Variants in PTPRS observed in about 807,000 individuals in gnomAD.
The protein encoded by PTPRS is receptor-type tyrosine-protein phosphatase S.
Under a neutral mutation model 215.3 loss-of-function variants are expected in PTPRS, and 63 were observed. That is an observed-to-expected ratio of 0.29 (90% CI 0.24 to 0.36). PTPRS has a LOEUF of 0.36. Among genes scored for constraint, PTPRS ranks in the 10% least tolerant of loss-of-function variants. The pLI, the probability that PTPRS is intolerant of heterozygous loss-of-function variation, is 1.00. For synonymous variants in PTPRS, 1,404 were observed against 1,191.4 expected, an observed-to-expected ratio of 1.18 and a Z score of -3.68; for missense variants, 2,258 against 2,825.8, an observed-to-expected ratio of 0.80 and a Z score of 4.56.
Position 5,286,204 on chromosome 19 carries a change from G to T in PTPRS, c.-64C>A. ...TGGCCCCCCGGTCCCTCACAGAGAG[G>T]CCTCGAGCCGAGCGTCAGATGGGGC... On this transcript the variant is annotated 5_prime_UTR_variant, in exon 2 of 38. Coordinates refer to ENST00000262963, the MANE Select transcript of PTPRS (RefSeq NM_002850.4). The T allele has an allele frequency of 6.4e-7, 1 of 1,570,434 alleles. No homozygotes were observed. Among genetic ancestry groups the T allele is most frequent in the Non-Finnish European group, 8.7e-7 (1 of 1,152,936 alleles).
rs877934 is a variant in PTPRS, at chr19:5,220,500, G to A, written c.3456-147C>T. The A allele has an allele frequency of 9.8e-3, 6,904 of 704,106 alleles. 349 individuals are homozygous for A. The African/African-American group carries it at 0.11, about 11-fold the overall frequency. 43.6% of individuals were successfully genotyped at this position (704,106 alleles called of 1,614,324 possible). The stretch of plus-strand genomic sequence containing the variant: ...ATTCCCCTATGCCCCATCCACAAAC[G>A]CCACAGTTGCTGACTCAGGCCTCCA... On this transcript the variant is annotated intron_variant, in intron 20 of 37. Transcript: ENST00000262963.
intron 1 of PTPRS, among the ~76,000 whole-genome samples, chr19:5,330,973 G>A (rs995833310): frequency 2.0e-5 from 3 of 152,098 alleles, no homozygotes; most frequent in Non-Finnish European, 4.4e-5. Flanking sequence ...GTGGAACCAG[G>A]ACAGATGTGC....
chr19:5,206,942 C>A, intron 37 of PTPRS, 100 bp from the exon 38 acceptor site: 1 of 1,075,838 alleles, frequency 9.3e-7, no homozygotes, highest in East Asian at 2.4e-5. Flanking sequence ...CAGCCTTGTG[C>A]GTGTCTCTTG....
At chr19:5,336,636 G>C in intron 1 of PTPRS, among the ~76,000 whole-genome samples, 1 of 152,222 alleles carries the variant, frequency 6.6e-6, no homozygotes, top group South Asian at 2.1e-4. Context: ...TACGTGCCTT[G>C]GTCCGTGAAT....
In PTPRS at chr19:5,219,993, C is replaced by A. The variant is rs200307602; in HGVS notation, c.3711G>T (p.Glu1237Asp). 1 of 1,613,760 alleles carries A rather than the reference C, an allele frequency of 6.2e-7. No homozygotes were observed. The highest frequency in any genetic ancestry group is 1.3e-5 in the African/African-American group (1 of 75,070). Residue 1237 changes from glutamate (E) to aspartate (D), a missense_variant, in exon 22 of 38, where the codon GAG (glutamate) becomes GAT (aspartate). Physicochemically the swap from Glu to Asp is conservative, Grantham distance 45 (BLOSUM62 2). Around this residue, in one of 6 missense-constraint regions of PTPRS, gnomAD observed 927 missense variants for 1,125.9 expected, o/e 0.82. Coordinates refer to ENST00000262963, the MANE Select transcript of PTPRS (RefSeq NM_002850.4). ...QYGGFDNRGLEPGHRYVLFVL... is the reference protein window; with the variant it reads ...QYGGFDNRGLDPGHRYVLFVL... The stretch of plus-strand genomic sequence containing the variant: ...CGAAGAGGACATAGCGGTGGCCGGG[C>A]TCCAGGCCCCGGTTATCGAAGCCGC...
rs2044260876 is a variant in PTPRS, at chr19:5,243,905, C to T, written c.1566G>A (p.Gln522=). The T allele has an allele frequency of 6.6e-7, 1 of 1,509,890 alleles. No individual in the cohort carries two copies. 93.5% of individuals were successfully genotyped at this position (1,509,890 alleles called of 1,614,324 possible). A position where few individuals can be genotyped will look rare whatever the true frequency, so the allele number is the denominator to read the frequency against. Reference sequence around the variant, plus strand: ...CCTGCCGACCCCACGCCTCACCTCCCTGCTGCGTCTTGACCTGGATGGGGT... The same window carrying T: ...CCTGCCGACCCCACGCCTCACCTCCTTGCTGCGTCTTGACCTGGATGGGGT... The part of the protein sequence containing the change: ...LSDPIQVKTQ[Q]GVPGQPMNLR... The change falls in exon 11 of 38, where the codon CAG becomes CAA. Residue 522 remains glutamine, a synonymous_variant. Transcript: ENST00000262963.
At position 5,205,720 on chromosome 19, in the gene PTPRS, A is replaced by ACT. The variant is rs2040313997; in HGVS notation, c.*1053_*1054insAG. 6.6e-6 allele frequency among the ~76,000 whole-genome samples: 1 copy of ACT among 152,046 alleles called. No individual in the cohort carries two copies. Among genetic ancestry groups the ACT allele is most frequent in the African/African-American group, 2.4e-5 (1 of 41,380 alleles). On this transcript the variant is annotated 3_prime_UTR_variant, in exon 38 of 38. Transcript: ENST00000262963. ...CAAACTGCCCCACAGTCCCAGGGGG[A>ACT]AAGGGTCCCTGATGTGGGGCAGCAC... is the stretch of plus-strand genomic sequence containing the variant.
chr19:5,334,629 G>A (rs534770302), intron 1 of PTPRS, among the ~76,000 whole-genome samples: 33 of 152,292 alleles, frequency 2.2e-4, no homozygotes, highest in Admixed American at 1.0e-3. Flanking sequence ...GTGTGTGTGC[G>A]GGGGGTGTCT....
chr19:5,231,576 A>G lies in PTPRS; in HGVS notation c.1889T>C (p.Val630Ala). ...APPQDVKCVS[V>A]RSTAILVSWR... ...ACTTACCAAAATGGCCGTGGAGCGC[A>G]CGCTGACACATTTAACGTCTTGAGG... The change falls in exon 14 of 38, where the codon GTG becomes GCG. Residue 630 changes from valine to alanine, a missense_variant. Physicochemically the swap from Val to Ala is moderately conservative, Grantham distance 64. Transcript: ENST00000262963. 1 of 1,590,734 alleles carries G rather than the reference A, an allele frequency of 6.3e-7. No homozygotes were observed. Among genetic ancestry groups the G allele is most frequent in the Non-Finnish European group, 8.5e-7 (1 of 1,175,454 alleles).
At chr19:5,225,614 T>G in intron 17 of PTPRS, 113 bp downstream of exon 17, 1 of 943,508 alleles carries the variant, frequency 1.1e-6, no homozygotes, top group Admixed American at 1.8e-5. Flanking sequence ...CTGTTCCAGC[T>G]GCCTGGTGCA....
chr19:5,210,065 T>C lies in PTPRS; in HGVS notation c.5487+404A>G, dbSNP rs1408281630. Among the ~76,000 whole-genome samples, 3 of 152,082 alleles carry C rather than the reference T, an allele frequency of 2.0e-5. No individual in the cohort carries two copies. The highest frequency in any genetic ancestry group is 4.4e-5 in the Non-Finnish European group (3 of 68,004). ...TCCTTCATTGAGCCAACACCATCCA[T>C]ACTCATCTCTCCTCACCCAACGGTG... On this transcript the variant is annotated intron_variant, in intron 35 of 37. Coordinates refer to ENST00000262963, the MANE Select transcript of PTPRS (RefSeq NM_002850.4). The surrounding 1 kb of genome is among the most constrained non-coding windows in gnomAD (Gnocchi z 4.5).
intron 15 of PTPRS, 23 bp from the exon 16 acceptor site, chr19:5,229,365 G>T: frequency 7.3e-7 from 1 of 1,375,234 alleles, no homozygotes; most frequent in Non-Finnish European, 9.4e-7. Flanking sequence ...GGAGGCGGCA[G>T]GGGAGAGAGG....
chr19:5,274,492 C>T, intron 2 of PTPRS, 148 bp from the exon 3 acceptor site: 1 of 1,034,086 alleles, frequency 9.7e-7, no homozygotes, highest in Non-Finnish European at 1.4e-6. Flanking sequence ...GCAAGGATGA[C>T]AACAAACACC....
Position 5,286,213 on chromosome 19 carries a change from C to A in PTPRS, c.-73G>T. 1 of 1,547,132 alleles carries A rather than the reference C, an allele frequency of 6.5e-7. No individual in the cohort carries two copies. The highest frequency in any genetic ancestry group is 8.8e-7 in the Non-Finnish European group (1 of 1,135,774). On this transcript the variant is annotated 5_prime_UTR_variant, in exon 2 of 38. Transcript: ENST00000262963. ...GGTCCCTCACAGAGAGGCCTCGAGCCGAGCGTCAGATGGGGCAACGTCTGC... is the reference window on the plus strand; with the variant it reads ...GGTCCCTCACAGAGAGGCCTCGAGCAGAGCGTCAGATGGGGCAACGTCTGC...
In PTPRS at chr19:5,340,717, C is replaced by T. The variant is rs887813516; in HGVS notation, c.-148G>A. On this transcript the variant is annotated 5_prime_UTR_variant, in exon 1 of 38. Coordinates refer to ENST00000262963, the MANE Select transcript of PTPRS (RefSeq NM_002850.4). ...GGCTCTGCCCCGCTTCACATCGTGG[C>T]TGTTGCATGGGATCCGAGCGGAGCC... 25 of 150,346 alleles carry T rather than the reference C, an allele frequency of 1.7e-4. No individual in the cohort carries two copies. Among genetic ancestry groups the T allele is most frequent in the African/African-American group, 5.8e-4 (24 of 41,084 alleles). The allele number at this position is 150,346 out of a possible 1,614,324, so 9.3% of individuals were successfully genotyped here.
chr19:5,232,173 G>C (rs1045350442), intron 13 of PTPRS, among the ~76,000 whole-genome samples: 1 of 151,886 alleles, frequency 6.6e-6, no homozygotes, highest in African/African-American at 2.4e-5. Context: ...AGCACCAAGG[G>C]CTTCACAAAA....
Position 5,307,834 on chromosome 19 carries a change from G to A in PTPRS, c.-94-21600C>T, listed in dbSNP as rs542942105. ...CATCGCCATATCGGGGGCCAAATCC[G>A]GCCCACCGTTTGTTTTTATAAATAA... On this transcript the variant is annotated intron_variant, in intron 1 of 37. Transcript: ENST00000262963. Among the ~76,000 whole-genome samples the A allele has an allele frequency of 7.2e-5, 11 of 152,264 alleles. No homozygotes were observed. The South Asian group carries it at 2.1e-3, about 29-fold the overall frequency.
In PTPRS at chr19:5,215,483, C is replaced by T. The variant is rs760795728; in HGVS notation, c.4194+15G>A. ...AGGCCGAGGTGATGAGGGTGGGAGG[C>T]GGGGGTGGGCTCACCTCATACTCCT... On this transcript the variant is annotated intron_variant, in intron 27 of 37. Coordinates refer to ENST00000262963, the MANE Select transcript of PTPRS (RefSeq NM_002850.4). The T allele has an allele frequency of 1.9e-5, 19 of 982,704 alleles. No homozygotes were observed. Among genetic ancestry groups the T allele is most frequent in the Admixed American group, 7.5e-5 (4 of 53,248 alleles). 60.9% of individuals were successfully genotyped at this position (982,704 alleles called of 1,614,324 possible).
intron 25 of PTPRS, among the ~76,000 whole-genome samples, chr19:5,217,895 G>A (rs2041628606): frequency 6.6e-6 from 1 of 152,140 alleles, no homozygotes; most frequent in South Asian, 2.1e-4. Flanking sequence ...TGGACTGTCA[G>A]GTGACTTTAA....
Sources: gnomAD v4.1 joint callset for allele counts (sites outside exome capture counted in the v4.1 genomes callset) on GRCh38, gnomAD v4.1.1 for gene constraint, gnomAD v4.1.1 regional missense constraint, Gnocchi (gnomAD v3.1) non-coding constraint, MANE v1.5 for transcripts, NCBI Gene and HGNC (gene_info 2026-07-23, HGNC 2026-07-21) for gene names.